The following ECPAS variants were observed in gnomAD, a reference collection of about 807,000 sequenced individuals.
The protein encoded by ECPAS is Ecm29 proteasome adaptor and scaffold.
A neutral mutation model predicts 255.1 loss-of-function variants in ECPAS; 70 were observed. That is an observed-to-expected ratio of 0.27 (90% CI 0.23 to 0.33). The LOEUF is 0.33. Among genes scored for constraint, ECPAS ranks in the 10% least tolerant of loss-of-function variants. ECPAS has a pLI of 1.00. For missense variants in ECPAS, 1,817 were observed against 2,206.4 expected (o/e 0.82, Z 3.54); for synonymous variants, 784 against 775.0 (o/e 1.01, Z -0.19).
Position 111,437,787 on chromosome 9 carries a change from T to C in ECPAS, c.540-679A>G, listed in dbSNP as rs1051208670. Among the ~76,000 whole-genome samples, 11 of 152,320 alleles carry C rather than the reference T, an allele frequency of 7.2e-5. No homozygotes were observed. The South Asian group carries it at 1.4e-3, about 20-fold the overall frequency. ...CATCCCTATTTCATTTTAGCTTCTA[T>C]AGAGGAGAAATAAGACCTCTAAGAA... On this transcript the variant is annotated intron_variant, in intron 6 of 49. Transcript: ENST00000684092.
chr9:111,378,775 T>C (rs370148022), intron 35 of ECPAS, 45 bp from the exon 36 acceptor site: 17 of 1,550,366 alleles, frequency 1.1e-5, no homozygotes, highest in African/African-American at 8.2e-5. Flanking sequence ...TTAACAAAAG[T>C]GAGAAGACCT....
intron 38 of ECPAS, among the ~76,000 whole-genome samples, chr9:111,374,449 G>C (rs946137962): frequency 6.6e-5 from 10 of 152,178 alleles, no homozygotes; most frequent in Middle Eastern, 3.4e-3. Context: ...TAAAATAAAT[G>C]ATGTTACATC....
At chr9:111,453,381 C>CTGAGTCCA (rs1180678320) in intron 2 of ECPAS, among the ~76,000 whole-genome samples, 2 of 152,152 alleles carry the variant, frequency 1.3e-5, no homozygotes, top group East Asian at 3.9e-4. Flanking sequence ...AAATGTCAAT[C>CTGAGTCCA]TACATGAGTC....
At position 111,440,537 on chromosome 9, in the gene ECPAS, C is replaced by T. The variant is rs773321589; in HGVS notation, c.390-16G>A. The stretch of plus-strand genomic sequence containing the variant: ...ATGCATTAAGCTGAAAAAACAATTA[C>T]ATTTATTGCAACTACTTAAAAAATG... On this transcript the variant is annotated splice_polypyrimidine_tract_variant and intron_variant, in intron 5 of 49. Coordinates refer to ENST00000684092, the MANE Select transcript of ECPAS (RefSeq NM_001364929.1). 2 of 1,542,246 alleles carry T rather than the reference C, an allele frequency of 1.3e-6. No homozygotes were observed. The highest frequency in any genetic ancestry group is 2.3e-5 in the East Asian group (1 of 43,776).
In ECPAS at chr9:111,373,935, T is replaced by C. The variant is rs768076198; in HGVS notation, c.4177+37A>G. The C allele has an allele frequency of 4.7e-6, 7 of 1,504,034 alleles. No individual in the cohort carries two copies. In the South Asian group the frequency reaches 6.8e-5, roughly 15 times the overall value. The allele number at this position is 1,504,034 out of a possible 1,614,324, so 93.2% of individuals were successfully genotyped here. On this transcript the variant is annotated intron_variant, in intron 39 of 49. Transcript: ENST00000684092. ...AACTCTGTCACACAAGACAGGGCTG[T>C]GCAAAAATATCACCACACATCCCTT...
chr9:111,442,139 T>C (rs1209944925), intron 5 of ECPAS, among the ~76,000 whole-genome samples, 167 bp downstream of exon 5: 1 of 152,226 alleles, frequency 6.6e-6, no homozygotes, highest in African/African-American at 2.4e-5. Flanking sequence ...TATGATAGTA[T>C]TAACAAAACG....
chr9:111,427,260 A>T (rs2098223184), intron 10 of ECPAS, among the ~76,000 whole-genome samples: 1 of 152,192 alleles, frequency 6.6e-6, no homozygotes, highest in South Asian at 2.1e-4. Context: ...CCAAAACAAG[A>T]AGTAATAGTT....
At position 111,484,129 on chromosome 9, in the gene ECPAS, G is replaced by A; in HGVS notation, c.-96C>T. 2 of 1,456,684 alleles carry A rather than the reference G, an allele frequency of 1.4e-6. No homozygotes were observed. Among genetic ancestry groups the A allele is most frequent in the Admixed American group, 2.3e-5 (1 of 42,660 alleles). 90.2% of individuals were successfully genotyped at this position (1,456,684 alleles called of 1,614,324 possible). On this transcript the variant is annotated 5_prime_UTR_variant, in exon 1 of 50. Coordinates refer to ENST00000684092, the MANE Select transcript of ECPAS (RefSeq NM_001364929.1). ...CGGGCCTCTGACCTGAGTCGGAGCC[G>A]GTCTCCATGCCGCGGACGCTGCGCT...
intron 43 of ECPAS, among the ~76,000 whole-genome samples, chr9:111,371,420 A>G (rs1369653166): frequency 1.3e-5 from 2 of 152,226 alleles, no homozygotes; most frequent in African/African-American, 4.8e-5. Context: ...ACTGTCCATT[A>G]TGCAAGGCCA....
intron 2 of ECPAS, among the ~76,000 whole-genome samples, chr9:111,460,288 G>C (rs1239047112): frequency 6.6e-6 from 1 of 152,108 alleles, no homozygotes; most frequent in Non-Finnish European, 1.5e-5. Flanking sequence ...AAATAGATGG[G>C]AACAAACTAT....
intron 1 of ECPAS, chr9:111,483,562 C>A (rs2098310245): frequency 3.3e-6 from 2 of 606,742 alleles, no homozygotes; most frequent in Non-Finnish European, 4.1e-6. Flanking sequence ...GGGGAGGGAA[C>A]GAGGGAGGGG....
At chr9:111,482,046 T>G (rs2098306349) in intron 1 of ECPAS, among the ~76,000 whole-genome samples, 1 of 152,224 alleles carries the variant, frequency 6.6e-6, no homozygotes, top group Non-Finnish European at 1.5e-5. Flanking sequence ...ACAGTGTGAA[T>G]GTACTCAATC....
intron 39 of ECPAS, 149 bp downstream of exon 39, chr9:111,373,823 A>G: frequency 6.5e-6 from 4 of 619,932 alleles, no homozygotes; most frequent in Non-Finnish European, 1.2e-5. Flanking sequence ...CCTGCAGACA[A>G]AGAAATGAAG....
intron 39 of ECPAS, 66 bp downstream of exon 39, chr9:111,373,906 T>C: frequency 7.8e-7 from 1 of 1,276,408 alleles, no homozygotes; most frequent in Admixed American, 1.7e-5. Flanking sequence ...TTTTTCCTTT[T>C]TAAAACTCTG....
chr9:111,462,729 AT>A (rs2098274599), intron 2 of ECPAS, among the ~76,000 whole-genome samples: 1 of 147,764 alleles, frequency 6.8e-6, no homozygotes. Context: ...GAAGCACAAC[AT>A]TCATGGAATT....
At chr9:111,368,068 A>C (rs1273909733) in intron 46 of ECPAS, among the ~76,000 whole-genome samples, 3 of 151,844 alleles carry the variant, frequency 2.0e-5, no homozygotes, top group Non-Finnish European at 4.4e-5. Context: ...AACGAATACT[A>C]AGATCTTCAG....
chr9:111,411,177 T>C (rs2098193743), intron 21 of ECPAS, 35 bp from the exon 22 acceptor site: 9 of 1,607,212 alleles, frequency 5.6e-6, no homozygotes, highest in Non-Finnish European at 7.7e-6. Context: ...TATCTCTGGC[T>C]CTCTCTCATA....
rs529988608 is a variant in ECPAS at position 111,442,197 on chromosome 9, A to T, written c.389+109T>A. 45 of 643,770 alleles carry T rather than the reference A, an allele frequency of 7.0e-5. No homozygotes were observed. The South Asian group carries it at 8.1e-4, about 12-fold the overall frequency. The allele number at this position is 643,770 out of a possible 1,614,324, so 39.9% of individuals were successfully genotyped here. ...AATTCTATTATTTGTCAGCTAAAAC[A>T]GCTCAAGACCTCCCATTTGCTCAAG... On this transcript the variant is annotated intron_variant, in intron 5 of 49. Coordinates refer to ENST00000684092, the MANE Select transcript of ECPAS (RefSeq NM_001364929.1).
chr9:111,440,564 G>T (rs1215111481), intron 5 of ECPAS, 43 bp from the exon 6 acceptor site: 2 of 1,445,358 alleles, frequency 1.4e-6, no homozygotes, highest in Non-Finnish European at 1.9e-6. Flanking sequence ...TAAAAAATGA[G>T]ATTTTTATAC....
Sources: gnomAD v4.1 joint callset for allele counts (sites outside exome capture counted in the v4.1 genomes callset) on GRCh38, gnomAD v4.1.1 for gene constraint, MANE v1.5 for transcripts, NCBI Gene and HGNC (gene_info 2026-07-23, HGNC 2026-07-21) for gene names.